The following COMMD10 variants were observed in gnomAD, a reference collection of about 807,000 sequenced individuals.
COMMD10 encodes COMM domain containing 10.
COMMD10 carries 33 observed loss-of-function variants against 28.9 expected under a neutral mutation model. That is an observed-to-expected ratio of 1.14 (90% CI 0.87 to 1.53). The LOEUF is 1.53. Among genes scored for constraint, COMMD10 ranks in the 40% most tolerant of loss-of-function variants. The pLI is 0.00. For missense variants in COMMD10, 310 were observed against 233.4 expected, an observed-to-expected ratio of 1.33 and a Z score of -2.14; for synonymous variants, 110 against 81.7, an observed-to-expected ratio of 1.35 and a Z score of -1.87.
intron 5 of COMMD10, among the ~76,000 whole-genome samples, chr5:116,222,426 G>A (rs996553669): frequency 6.6e-6 from 1 of 152,108 alleles, no homozygotes; most frequent in Non-Finnish European, 1.5e-5. Context: ...ACCCATTAGG[G>A]TATCAAAGTC....
At chr5:116,284,551 A>T (rs1233633360) in intron 5 of COMMD10, among the ~76,000 whole-genome samples, 2 of 151,832 alleles carry the variant, frequency 1.3e-5, no homozygotes, top group Non-Finnish European at 2.9e-5. Flanking sequence ...GAGGAAAAAA[A>T]TAGGTCCAAA....
At chr5:116,278,558 T>A (rs150332572) in intron 5 of COMMD10, among the ~76,000 whole-genome samples, 2 of 151,962 alleles carry the variant, frequency 1.3e-5, no homozygotes, top group Non-Finnish European at 2.9e-5. Flanking sequence ...ATGTAACATA[T>A]AGACAACAAG....
intron 5 of COMMD10, among the ~76,000 whole-genome samples, chr5:116,273,196 A>T (rs1226394641): frequency 6.6e-6 from 1 of 151,904 alleles, no homozygotes; most frequent in African/African-American, 2.4e-5. Context: ...GACATACTGT[A>T]AAAAGTTAGT....
chr5:116,215,068 A>G (rs1749061748), intron 5 of COMMD10, among the ~76,000 whole-genome samples: 1 of 152,016 alleles, frequency 6.6e-6, no homozygotes, highest in Non-Finnish European at 1.5e-5. Context: ...AATCCTTAAT[A>G]TAGTTTTTAC....
chr5:116,189,970 C>T (rs1014381027), intron 5 of COMMD10, among the ~76,000 whole-genome samples: 4 of 152,100 alleles, frequency 2.6e-5, no homozygotes, highest in Non-Finnish European at 5.9e-5. Context: ...TTTCCCTTTC[C>T]TGCTCTTAGA....
intron 5 of COMMD10, among the ~76,000 whole-genome samples, chr5:116,257,440 G>T (rs1750318920): frequency 6.6e-6 from 1 of 151,642 alleles, no homozygotes; most frequent in African/African-American, 2.4e-5. Context: ...CCACGATAAA[G>T]AAATATTTAA....
chr5:116,256,900 T>C (rs900602145), intron 5 of COMMD10, among the ~76,000 whole-genome samples: 1 of 151,738 alleles, frequency 6.6e-6, no homozygotes, highest in Non-Finnish European at 1.5e-5. Context: ...TCTGAATTTG[T>C]ATGCTACTGA....
chr5:116,242,166 G>A (rs575874946), intron 5 of COMMD10, among the ~76,000 whole-genome samples: 1 of 151,602 alleles, frequency 6.6e-6, no homozygotes, highest in Non-Finnish European at 1.5e-5. Flanking sequence ...TGATTATGAA[G>A]ATTCTGACCG....
intron 5 of COMMD10, among the ~76,000 whole-genome samples, chr5:116,284,326 ATG>A (rs987691365): frequency 6.8e-6 from 1 of 146,604 alleles, no homozygotes; most frequent in Non-Finnish European, 1.5e-5. Flanking sequence ...AAAGGATTGT[ATG>A]TGTGTGTGTA....
chr5:116,232,854 A>G (rs1749563253), intron 5 of COMMD10, among the ~76,000 whole-genome samples: 2 of 152,196 alleles, frequency 1.3e-5, no homozygotes, highest in Admixed American at 6.5e-5. Context: ...TAAATTCTCA[A>G]GCAACCTATG....
chr5:116,225,376 A>G (rs1326093482), intron 5 of COMMD10, among the ~76,000 whole-genome samples: 3 of 102,308 alleles, frequency 2.9e-5, no homozygotes, highest in Non-Finnish European at 5.9e-5. Context: ...TTTTTTGCAT[A>G]TGTAGAAATT....
At chr5:116,201,412 G>C (rs1748662783) in intron 5 of COMMD10, among the ~76,000 whole-genome samples, 1 of 152,074 alleles carries the variant, frequency 6.6e-6, no homozygotes, top group African/African-American at 2.4e-5. Flanking sequence ...TTTTACAGTT[G>C]TCCACACTGA....
chr5:116,249,553 A>G (rs1750050950), intron 5 of COMMD10, among the ~76,000 whole-genome samples: 1 of 151,996 alleles, frequency 6.6e-6, no homozygotes, highest in Non-Finnish European at 1.5e-5. Context: ...TTCAAAAATG[A>G]GAAGAGACAA....
chr5:116,097,169 TAAAG>T (rs1314006363), intron 4 of COMMD10, among the ~76,000 whole-genome samples: 2 of 152,202 alleles, frequency 1.3e-5, no homozygotes, highest in East Asian at 1.9e-4. Flanking sequence ...AATATGCAAA[TAAAG>T]AAGTTGGAAT....
At chr5:116,226,414 C>CT (rs1749394949) in intron 5 of COMMD10, among the ~76,000 whole-genome samples, 1 of 78,720 alleles carries the variant, frequency 1.3e-5, no homozygotes, top group Non-Finnish European at 3.6e-5. Context: ...CTTTGTACTT[C>CT]CCTTTTTTTT....
chr5:116,206,999 A>G (rs947378715), intron 5 of COMMD10, among the ~76,000 whole-genome samples: 2 of 152,114 alleles, frequency 1.3e-5, no homozygotes, highest in African/African-American at 4.8e-5. Context: ...TTCTTTTGCT[A>G]TTTTAATAGG....
At chr5:116,218,891 T>A (rs1749172279) in intron 5 of COMMD10, among the ~76,000 whole-genome samples, 1 of 152,136 alleles carries the variant, frequency 6.6e-6, no homozygotes, top group African/African-American at 2.4e-5. Context: ...ATAGATTGAA[T>A]TGTGCTTCCT....
chr5:116,220,869 A>T (rs542700169), intron 5 of COMMD10, among the ~76,000 whole-genome samples: 1 of 152,214 alleles, frequency 6.6e-6, no homozygotes, highest in East Asian at 1.9e-4. Context: ...AAAATTAATC[A>T]GGGAAGAAGG....
chr5:116,092,078 G>A (rs1750316040), intron 3 of COMMD10, among the ~76,000 whole-genome samples: 1 of 152,174 alleles, frequency 6.6e-6, no homozygotes, highest in African/African-American at 2.4e-5. Context: ...ACAGGTATCA[G>A]TGTTAAAATT....
Sources: gnomAD v4.1 joint callset for allele counts (sites outside exome capture counted in the v4.1 genomes callset) on GRCh38, gnomAD v4.1.1 for gene constraint, MANE v1.5 for transcripts, NCBI Gene and HGNC (gene_info 2026-07-23, HGNC 2026-07-21) for gene names.